The following LGR6 variants were observed in gnomAD, a reference collection of about 807,000 sequenced individuals.
LGR6 encodes the protein leucine rich repeat containing G protein-coupled receptor 6, also known as leucine-rich repeat-containing G protein-coupled receptor 6.
In LGR6, 45 loss-of-function variants were observed where a neutral mutation model predicts 69.4. That is an observed-to-expected ratio of 0.65 (90% CI 0.51 to 0.83). LGR6 has a LOEUF of 0.83. Ranked by LOEUF, LGR6 falls within the 40% of genes least tolerant of loss-of-function variation. The pLI, the probability that LGR6 is intolerant of heterozygous loss-of-function variation, is 0.00. For missense variants in LGR6, 1,108 were observed against 1,246.7 expected, an observed-to-expected ratio of 0.89 and a Z score of 1.68; for synonymous variants, 538 against 555.0, an observed-to-expected ratio of 0.97 and a Z score of 0.43.
At chr1:202,299,870 T>A (rs1667452225) in intron 7 of LGR6, among the ~76,000 whole-genome samples, 1 of 152,198 alleles carries the variant, frequency 6.6e-6, no homozygotes, top group East Asian at 1.9e-4. Flanking sequence ...TTATGTACTT[T>A]TCAGTCCAAC....
At chr1:202,194,848 CTG>C (rs1658580119) in intron 1 of LGR6, among the ~76,000 whole-genome samples, 1 of 152,190 alleles carries the variant, frequency 6.6e-6, no homozygotes, top group Non-Finnish European at 1.5e-5. Context: ...TCCCAAGAGG[CTG>C]TGTTGGAGAC....
chr1:202,205,638 TCAAACA>T (rs1226583081), intron 1 of LGR6, among the ~76,000 whole-genome samples: 2 of 104,592 alleles, frequency 1.9e-5, no homozygotes, highest in African/African-American at 7.5e-5. Flanking sequence ...TACACCTCCT[TCAAACA>T]CACACACACA....
At chr1:202,279,307 G>A (rs1665828069) in intron 5 of LGR6, among the ~76,000 whole-genome samples, 1 of 152,182 alleles carries the variant, frequency 6.6e-6, no homozygotes, top group Admixed American at 6.5e-5. Context: ...ACTTCATGGA[G>A]CAGGTGGGTA....
intron 1 of LGR6, among the ~76,000 whole-genome samples, chr1:202,197,276 G>A (rs1658675410): frequency 6.6e-6 from 1 of 152,198 alleles, no homozygotes; most frequent in Admixed American, 6.5e-5. Context: ...AGACCAGAAA[G>A]GCGTCTTTAT....
chr1:202,273,302 T>C (rs1240816243), intron 4 of LGR6, among the ~76,000 whole-genome samples: 1 of 152,200 alleles, frequency 6.6e-6, no homozygotes, highest in Admixed American at 6.5e-5. Context: ...AAGGAGGTAC[T>C]GCCCCTCTTA....
intron 1 of LGR6, among the ~76,000 whole-genome samples, chr1:202,205,038 A>G (rs1571808006): frequency 2.2e-5 from 1 of 45,204 alleles, no homozygotes; most frequent in Non-Finnish European, 4.5e-5. Flanking sequence ...CCTCCTTCAA[A>G]CACACACACC....
In LGR6 at chr1:202,314,784, C is replaced by CT. The variant is rs1213548772; in HGVS notation, c.1568-15dup. ...CACCAAGACCCAGGACCCTGCATCA[C>CT]TTTGTCTCTCCTTTCAGATGACCAG... On this transcript the variant is annotated splice_polypyrimidine_tract_variant and intron_variant, in intron 16 of 17. Transcript: ENST00000367278. 1 of 1,604,974 alleles carries CT rather than the reference C, an allele frequency of 6.2e-7. No individual in the cohort carries two copies. Among genetic ancestry groups the CT allele is most frequent in the African/African-American group, 1.3e-5 (1 of 74,746 alleles).
intron 3 of LGR6, among the ~76,000 whole-genome samples, chr1:202,231,769 AT>A (rs915922043): frequency 1.3e-4 from 20 of 151,100 alleles, no homozygotes; most frequent in African/African-American, 3.9e-4. Context: ...TCTACATGAA[AT>A]TTTTTTTTTA....
At chr1:202,260,066 T>C (rs1229890177) in intron 4 of LGR6, among the ~76,000 whole-genome samples, 1 of 152,238 alleles carries the variant, frequency 6.6e-6, no homozygotes, top group Admixed American at 6.5e-5. Flanking sequence ...TATGGTTTTC[T>C]GAGACGGAGT....
At chr1:202,282,262 C>G (rs968504369) in intron 6 of LGR6, among the ~76,000 whole-genome samples, 2 of 152,226 alleles carry the variant, frequency 1.3e-5, no homozygotes, top group Non-Finnish European at 2.9e-5. Flanking sequence ...TAACTCTGGA[C>G]AGTCTAGCCC....
At chr1:202,262,832 C>G (rs1190005933) in intron 4 of LGR6, among the ~76,000 whole-genome samples, 2 of 152,202 alleles carry the variant, frequency 1.3e-5, no homozygotes, top group Non-Finnish European at 2.9e-5. Flanking sequence ...TCATTATCAC[C>G]TACAATGCAA....
intron 6 of LGR6, among the ~76,000 whole-genome samples, chr1:202,286,405 G>C (rs1264766004): frequency 6.6e-6 from 1 of 152,128 alleles, no homozygotes; most frequent in East Asian, 1.9e-4. Flanking sequence ...TTTCTGAAAG[G>C]CTGTCTTGTC....
chr1:202,266,947 C>T (rs531101138), intron 4 of LGR6, among the ~76,000 whole-genome samples: 4 of 152,186 alleles, frequency 2.6e-5, no homozygotes, highest in East Asian at 1.9e-4. Flanking sequence ...TGTTAATCTT[C>T]GTTGCTAGAC....
chr1:202,286,155 G>A (rs1453026716), intron 6 of LGR6, among the ~76,000 whole-genome samples: 1 of 152,172 alleles, frequency 6.6e-6, no homozygotes, highest in African/African-American at 2.4e-5. Context: ...TTCCAAATAA[G>A]CTCACATTCA....
At chr1:202,269,094 G>A (rs1197112518) in intron 4 of LGR6, among the ~76,000 whole-genome samples, 2 of 152,138 alleles carry the variant, frequency 1.3e-5, no homozygotes, top group East Asian at 3.9e-4. Flanking sequence ...TTTCTAGAGA[G>A]GGTGTCTTGC....
intron 16 of LGR6, among the ~76,000 whole-genome samples, chr1:202,312,304 C>T (rs894286645): frequency 6.6e-6 from 1 of 152,242 alleles, no homozygotes; most frequent in Non-Finnish European, 1.5e-5. Flanking sequence ...CCACGGGTTT[C>T]ACCCCTTGTG....
chr1:202,196,871 G>T (rs1658659209), intron 1 of LGR6, among the ~76,000 whole-genome samples: 1 of 152,182 alleles, frequency 6.6e-6, no homozygotes, highest in African/African-American at 2.4e-5. Flanking sequence ...GACTGTCAGG[G>T]CAACTCTTGA....
At chr1:202,205,858 C>CTG (rs1659201153) in intron 1 of LGR6, among the ~76,000 whole-genome samples, 1 of 124,330 alleles carries the variant, frequency 8.0e-6, no homozygotes, top group South Asian at 3.0e-4. Flanking sequence ...AAACACACAC[C>CTG]TCCTTCAAAC....
chr1:202,256,194 C>T (rs536211971), intron 4 of LGR6, among the ~76,000 whole-genome samples: 2 of 152,190 alleles, frequency 1.3e-5, no homozygotes, highest in East Asian at 3.9e-4. Flanking sequence ...CAAGGTTCAT[C>T]CATGTGTATA....
Sources: gnomAD v4.1 joint callset for allele counts (sites outside exome capture counted in the v4.1 genomes callset) on GRCh38, gnomAD v4.1.1 for gene constraint, MANE v1.5 for transcripts, NCBI Gene and HGNC (gene_info 2026-07-23, HGNC 2026-07-21) for gene names.